ASXL3: variants seen among roughly 807,000 people sequenced by gnomAD.
ASXL3 encodes the protein ASXL transcriptional regulator 3.
A neutral mutation model predicts 170.6 loss-of-function variants in ASXL3; 34 were observed. That is an observed-to-expected ratio of 0.20 (90% confidence interval 0.15 to 0.27). ASXL3 has a LOEUF of 0.27. Ranked by LOEUF, ASXL3 falls within the 10% of genes least tolerant of loss-of-function variation. ASXL3 has a pLI of 1.00. For missense variants in ASXL3, 2,592 were observed against 2,695.3 expected (o/e 0.96, Z 0.85); for synonymous variants, 1,002 against 989.1 (o/e 1.01, Z -0.24).
chr18:33,722,888 TG>T (rs992872769), intron 8 of ASXL3, among the ~76,000 whole-genome samples: 4 of 152,274 alleles, frequency 2.6e-5, no homozygotes, highest in Admixed American at 1.3e-4. Context: ...AGTGCTCATT[TG>T]CCATTCCAAA....
intron 8 of ASXL3, chr18:33,690,140 G>A (rs981773836): frequency 2.6e-5 from 4 of 152,336 alleles, no homozygotes; most frequent in Non-Finnish European, 5.9e-5. Context: ...TGGGATTACA[G>A]GGGTGAGCCA....
At chr18:33,613,311 T>A (rs1568278875) in intron 2 of ASXL3, among the ~76,000 whole-genome samples, 1 of 152,154 alleles carries the variant, frequency 6.6e-6, no homozygotes, top group Non-Finnish European at 1.5e-5. Flanking sequence ...TTACCTTACC[T>A]GGATTATTGC....
Position 33,670,781 on chromosome 18 carries a change from T to A in ASXL3, c.586T>A (p.Ser196Thr). 6.5e-7 allele frequency: 1 copy of A among 1,544,488 alleles called. No homozygotes were observed. Among genetic ancestry groups the A allele is most frequent in the South Asian group, 1.2e-5 (1 of 81,750 alleles). The change falls in exon 6 of 12, where the codon TCG becomes ACG. Residue 196 changes from serine (S) to threonine (T), a missense_variant. Physicochemically the swap from Ser to Thr is moderately conservative, Grantham distance 58. Transcript: ENST00000269197. ...PLKVSDEQSDSPSGSESKNGE... is the reference protein window; with the variant it reads ...PLKVSDEQSDTPSGSESKNGE... The stretch of plus-strand genomic sequence containing the variant: ...AAAGGTGTCTGATGAGCAGTCGGAT[T>A]CGCCTTCAGGTAAAGAGCTGAAATA...
intron 1 of ASXL3, among the ~76,000 whole-genome samples, chr18:33,598,141 T>A (rs568852783): frequency 6.6e-6 from 1 of 152,188 alleles, no homozygotes; most frequent in Non-Finnish European, 1.5e-5. Context: ...ATTGTATTAA[T>A]CCTACATCTG....
chr18:33,670,568 C>T, intron 5 of ASXL3, 105 bp from the exon 6 acceptor site: 2 of 765,758 alleles, frequency 2.6e-6, no homozygotes, highest in Non-Finnish European at 2.0e-6. Context: ...ATTTAAGTCT[C>T]TTAAGAGGTT....
At chr18:33,731,273 G>A (rs1460052157) in intron 8 of ASXL3, among the ~76,000 whole-genome samples, 1 of 152,066 alleles carries the variant, frequency 6.6e-6, no homozygotes, top group African/African-American at 2.4e-5. Flanking sequence ...TAGTGCTTAG[G>A]ATATATGAAT....
rs909179005 is a variant in ASXL3 at position 33,742,281 on chromosome 18, C to T, written c.3040-607C>T. Among the ~76,000 whole-genome samples the T allele has an allele frequency of 2.6e-5, 4 of 152,160 alleles. No individual in the cohort carries two copies. The East Asian group carries it at 5.8e-4, about 22-fold the overall frequency. On this transcript the variant is annotated intron_variant, in intron 11 of 11. Coordinates refer to ENST00000269197, the MANE Select transcript of ASXL3 (RefSeq NM_030632.3). ...TGAGTTTACAAACTTCTCTTGTGTT[C>T]TTATATGTATAAAGCAGCATGCAAG...
intron 8 of ASXL3, among the ~76,000 whole-genome samples, chr18:33,693,468 G>A (rs146637209): frequency 4.8e-4 from 73 of 152,274 alleles, no homozygotes; most frequent in African/African-American, 1.7e-3. Flanking sequence ...GAAAGAAAGA[G>A]TAAAAAATAA....
Position 33,746,525 on chromosome 18 carries a change from G to A in ASXL3, c.6677G>A (p.Cys2226Tyr). ...RLKAMIVCKG[C>Y]GAFCHDDCIG... ...AAAGCCATGATTGTGTGCAAAGGCT[G>A]TGGGGCCTTCTGCCATGACGACTGC... Residue 2226 changes from cysteine to tyrosine, a missense_variant, in exon 12 of 12, where the codon TGT becomes TAT. By Grantham distance (194) the Cys-to-Tyr change is radical. Around this residue, in one of 4 missense-constraint regions of ASXL3, gnomAD observed 22 missense variants for 51.1 expected, o/e 0.43. Coordinates refer to ENST00000269197, the MANE Select transcript of ASXL3 (RefSeq NM_030632.3). The A allele has an allele frequency of 6.2e-7, 1 of 1,613,042 alleles. No individual in the cohort carries two copies. The highest frequency in any genetic ancestry group is 8.5e-7 in the Non-Finnish European group (1 of 1,179,280).
chr18:33,580,383 A>G (rs1430653118), intron 1 of ASXL3, among the ~76,000 whole-genome samples: 1 of 152,222 alleles, frequency 6.6e-6, no homozygotes, highest in Non-Finnish European at 1.5e-5. Flanking sequence ...GGGATGTGCA[A>G]GGCTTCTGAA....
intron 8 of ASXL3, among the ~76,000 whole-genome samples, chr18:33,699,095 C>A (rs1305926963): frequency 6.6e-6 from 1 of 152,004 alleles, no homozygotes; most frequent in Non-Finnish European, 1.5e-5. Context: ...CTAAGATATC[C>A]ACTTTTCAAA....
At chr18:33,668,255 G>C (rs183078470) in intron 5 of ASXL3, among the ~76,000 whole-genome samples, 1 of 151,908 alleles carries the variant, frequency 6.6e-6, no homozygotes, top group Non-Finnish European at 1.5e-5. Context: ...GTGAAACCCT[G>C]TCTCTACTAA....
At chr18:33,678,888 A>G (rs1002522554) in intron 7 of ASXL3, among the ~76,000 whole-genome samples, 1 of 152,210 alleles carries the variant, frequency 6.6e-6, no homozygotes, top group African/African-American at 2.4e-5. Context: ...TTCCAAAATC[A>G]TAAAACACAT....
chr18:33,579,328 T>C (rs1374066230), intron 1 of ASXL3, among the ~76,000 whole-genome samples: 2 of 152,326 alleles, frequency 1.3e-5, no homozygotes, highest in South Asian at 4.1e-4. Context: ...GTGTACATTC[T>C]GTGCACGTGT....
chr18:33,669,369 T>G (rs2066306278), intron 5 of ASXL3, among the ~76,000 whole-genome samples: 2 of 152,174 alleles, frequency 1.3e-5, no homozygotes, highest in African/African-American at 4.8e-5. Flanking sequence ...TTATGAAAAC[T>G]TAATAAATGT....
chr18:33,686,616 T>C (rs764390986), intron 8 of ASXL3, among the ~76,000 whole-genome samples: 5 of 152,168 alleles, frequency 3.3e-5, no homozygotes, highest in Non-Finnish European at 7.3e-5. Flanking sequence ...GCTTATATGT[T>C]CCAGAAGACT....
intron 8 of ASXL3, among the ~76,000 whole-genome samples, chr18:33,695,018 G>A (rs1001225414): frequency 1.3e-5 from 2 of 152,056 alleles, no homozygotes; most frequent in East Asian, 1.9e-4. Context: ...AGGGCTTTCC[G>A]TCTTTTCCCT....
intron 5 of ASXL3, among the ~76,000 whole-genome samples, chr18:33,664,554 A>T (rs1158552755): frequency 6.6e-6 from 1 of 152,182 alleles, no homozygotes; most frequent in Non-Finnish European, 1.5e-5. Flanking sequence ...ACCAGCGTAG[A>T]CTCTTAGAAA....
chr18:33,599,470 C>T (rs1244177541), intron 1 of ASXL3, among the ~76,000 whole-genome samples: 2 of 152,078 alleles, frequency 1.3e-5, no homozygotes, highest in Non-Finnish European at 2.9e-5. Context: ...TTTTCCATTG[C>T]TTTGTTTAGC....
Sources: allele counts gnomAD v4.1 joint callset (sites outside exome capture counted in the v4.1 genomes callset), GRCh38; gene constraint gnomAD v4.1.1; regional missense constraint gnomAD v4.1.1; transcripts MANE v1.5; gene names NCBI Gene and HGNC (gene_info 2026-07-23, HGNC 2026-07-21).